LHPP: variants seen among roughly 807,000 people sequenced by gnomAD.
LHPP encodes phospholysine phosphohistidine inorganic pyrophosphate phosphatase, also known as hLHPP.
LHPP carries 24 observed loss-of-function variants against 30.3 expected under a neutral mutation model. That is an observed-to-expected ratio of 0.79 (90% confidence interval 0.57 to 1.11). The LOEUF (loss-of-function observed/expected upper bound fraction) is 1.11. Among genes scored for constraint, LHPP ranks in the 50% most tolerant of loss-of-function variants. The pLI is 0.00. For synonymous variants in LHPP, 150 were observed against 157.1 expected, an observed-to-expected ratio of 0.95 and a Z score of 0.34; for missense variants, 356 against 367.2, an observed-to-expected ratio of 0.97 and a Z score of 0.25.
chr10:124,488,508 A>G lies in LHPP; in HGVS notation c.400A>G (p.Asn134Asp), dbSNP rs1815889505. 6.2e-7 allele frequency: 1 copy of G among 1,614,010 alleles called. No homozygotes were observed. The highest frequency in any genetic ancestry group is 8.5e-7 in the Non-Finnish European group (1 of 1,179,994). The change falls in exon 3 of 7, where the codon AAC becomes GAC. Residue 134 changes from asparagine to aspartate, a missense_variant. Asn to Asp is a conservative substitution (Grantham distance 23). Coordinates refer to ENST00000368842, the MANE Select transcript of LHPP (RefSeq NM_022126.4). The stretch of plus-strand genomic sequence containing the variant: ...CGCAGGAGAAAGCTTTTCTTATCAA[A>G]ACATGAATAACGCCTTCCAGGTGCT... ...ADAGESFSYQ[N>D]MNNAFQVLME... is the part of the protein sequence containing the mutation.
intron 6 of LHPP, among the ~76,000 whole-genome samples, chr10:124,563,614 GATATTGTTCTA>G (rs1948439882): frequency 6.6e-6 from 1 of 152,152 alleles, no homozygotes; most frequent in East Asian, 1.9e-4. Flanking sequence ...TGTTGACTTT[GATATTGTTCTA>G]TAGTTTTGCA....
In LHPP at chr10:124,597,739, G is replaced by A. The variant is rs576199115; in HGVS notation, c.717-15525G>A. Among the ~76,000 whole-genome samples the A allele has an allele frequency of 2.1e-3, 310 of 147,438 alleles. 1 individual carries two copies. The highest frequency in any genetic ancestry group is 7.0e-3 in the African/African-American group (287 of 41,242). ...GTGAGTGCCCTGCCCTGAGCCCAGC[G>A]TGTGCCCTGCCTGTGCCCCTGGGTG... On this transcript the variant is annotated intron_variant, in intron 6 of 6. Coordinates refer to ENST00000368842, the MANE Select transcript of LHPP (RefSeq NM_022126.4).
rs1163727984 is a variant in LHPP at position 124,523,604 on chromosome 10, G to T, written c.716+6333G>T. 9.9e-5 allele frequency among the ~76,000 whole-genome samples: 15 copies of T among 152,240 alleles called. No individual in the cohort carries two copies. Among genetic ancestry groups the T allele is most frequent in the African/African-American group, 3.6e-4 (15 of 41,466 alleles). On this transcript the variant is annotated intron_variant, in intron 6 of 6. Coordinates refer to ENST00000368842, the MANE Select transcript of LHPP (RefSeq NM_022126.4). The surrounding 1 kb of genome is among the most constrained non-coding windows in gnomAD (Gnocchi z 4.2). Reference sequence around the variant, plus strand: ...AGTGTGAGGGAAGGAAGTGAAACTGGTGTTAATTTTTCAGCAGTCACATGT... The same window carrying T: ...AGTGTGAGGGAAGGAAGTGAAACTGTTGTTAATTTTTCAGCAGTCACATGT...
chr10:124,554,049 G>A, intron 6 of LHPP: 1 of 985,450 alleles, frequency 1.0e-6, no homozygotes, highest in East Asian at 1.1e-4. Flanking sequence ...AGAAGGCCTC[G>A]AGCCTGTAGT....
chr10:124,471,348 A>G lies in LHPP; in HGVS notation c.125+9361A>G, dbSNP rs1328585303. On this transcript the variant is annotated intron_variant, in intron 1 of 6. Transcript: ENST00000368842. ...TTTGAATTCTTTGTAGCCTCAGAGC[A>G]CTTATCCAACCAAATGAAATTTTGA... is the stretch of plus-strand genomic sequence containing the variant. Among the ~76,000 whole-genome samples, 9 of 142,486 alleles carry G rather than the reference A, an allele frequency of 6.3e-5. No homozygotes were observed. In the East Asian group the frequency reaches 1.6e-3, roughly 25 times the overall value. 93.5% of individuals were successfully genotyped at this position (142,486 alleles called of 152,430 possible). A position where few individuals can be genotyped will look rare whatever the true frequency, so the allele number is the denominator to read the frequency against.
At chr10:124,474,251 C>G (rs1952876161) in intron 1 of LHPP, among the ~76,000 whole-genome samples, 1 of 147,250 alleles carries the variant, frequency 6.8e-6, no homozygotes, top group South Asian at 2.2e-4. Context: ...GCGATCCTTT[C>G]ACCTCAGCCC....
intron 6 of LHPP, among the ~76,000 whole-genome samples, chr10:124,581,096 C>T (rs1248057571): frequency 6.6e-6 from 1 of 152,206 alleles, no homozygotes; most frequent in Admixed American, 6.5e-5. Context: ...AGCAAATACT[C>T]ATCTGCTTTC....
At chr10:124,588,298 C>CTTTTTTTTTTTTTTTTT (rs55633265) in intron 6 of LHPP, among the ~76,000 whole-genome samples, 3 of 146,916 alleles carry the variant, frequency 2.0e-5, no homozygotes, top group African/African-American at 7.7e-5. Context: ...TTTTTCTCTT[C>CTTTTTTTTTTTTTTTTT]TTTTTTTTTT....
rs529855996 is a variant in LHPP at position 124,478,344 on chromosome 10, C to T, written c.126-5795C>T. Among the ~76,000 whole-genome samples, 190 of 152,296 alleles carry T rather than the reference C, an allele frequency of 1.2e-3. 1 individual carries two copies. Among genetic ancestry groups the T allele is most frequent in the African/African-American group, 4.4e-3 (183 of 41,566 alleles). ...GTGCTATGAGGGCCTCTGGGTCACA[C>T]GAAGGTGACCAGTACCGGGGCTAGA... On this transcript the variant is annotated intron_variant, in intron 1 of 6. Coordinates refer to ENST00000368842, the MANE Select transcript of LHPP (RefSeq NM_022126.4). The surrounding 1 kb of genome is among the most constrained non-coding windows in gnomAD (Gnocchi z 4.7).
At chr10:124,493,931 CT>C (rs1476962464) in intron 3 of LHPP, 14 of 152,116 alleles carry the variant, frequency 9.2e-5, no homozygotes, top group Non-Finnish European at 1.6e-4. Context: ...CTCAAGATGC[CT>C]TTTTGTTTTT....
intron 6 of LHPP, among the ~76,000 whole-genome samples, chr10:124,519,960 G>A (rs537274338): frequency 6.6e-6 from 1 of 152,028 alleles, no homozygotes; most frequent in East Asian, 1.9e-4. Context: ...AGCCTCCCAA[G>A]TAGCTGGGAC....
intron 6 of LHPP, among the ~76,000 whole-genome samples, chr10:124,544,866 C>T (rs560054284): frequency 3.3e-5 from 5 of 150,284 alleles, no homozygotes; most frequent in South Asian, 2.1e-4. Context: ...ACGTGGAAGG[C>T]GATCACATCG....
At chr10:124,579,297 G>GAT (rs1176986308) in intron 6 of LHPP, among the ~76,000 whole-genome samples, 1 of 152,246 alleles carries the variant, frequency 6.6e-6, no homozygotes, top group Non-Finnish European at 1.5e-5. Flanking sequence ...GAAGGCAGAA[G>GAT]AATCACAGCA....
chr10:124,548,604 G>A lies in LHPP; in HGVS notation c.716+31333G>A, dbSNP rs1032802587. Among the ~76,000 whole-genome samples, 5 of 152,218 alleles carry A rather than the reference G, an allele frequency of 3.3e-5. No homozygotes were observed. In the East Asian group the frequency reaches 9.6e-4, roughly 29 times the overall value. On this transcript the variant is annotated intron_variant, in intron 6 of 6. Transcript: ENST00000368842. ...TTTCTGGGGTTCCTGGCTTTGGCCT[G>A]CACGGCTGGGTGGGAGGAGGGCATG...
In LHPP at chr10:124,526,163, G is replaced by A. The variant is rs78582337; in HGVS notation, c.716+8892G>A. On this transcript the variant is annotated intron_variant, in intron 6 of 6. Transcript: ENST00000368842. The stretch of plus-strand genomic sequence containing the variant: ...TCTTCTCCCTAGAGCCGCTCAACAC[G>A]TGTTGCAAGGCACGTGCTCTGGACC... 7.1e-6 allele frequency: 7 copies of A among 985,332 alleles called. No individual in the cohort carries two copies. The East Asian group carries it at 5.7e-4, about 80-fold the overall frequency. The allele number at this position is 985,332 out of a possible 1,614,324, so 61.0% of individuals were successfully genotyped here.
rs1311232035 is a variant in LHPP at position 124,461,899 on chromosome 10, G to T, written c.37G>T (p.Gly13Trp). Reference sequence around the variant, plus strand: ...GGGCAAGCGGCTGGCTGGCGTGCGCGGGGTGCTGCTTGACATCTCGGGCGT... The same window carrying T: ...GGGCAAGCGGCTGGCTGGCGTGCGCTGGGTGCTGCTTGACATCTCGGGCGT... ...PWGKRLAGVRGVLLDISGVLY... is the reference protein window; with the variant it reads ...PWGKRLAGVRWVLLDISGVLY... The change falls in exon 1 of 7, where the codon GGG becomes TGG. Residue 13 changes from glycine to tryptophan, a missense_variant. Gly to Trp is a radical substitution (Grantham distance 184). Coordinates refer to ENST00000368842, the MANE Select transcript of LHPP (RefSeq NM_022126.4). 2.4e-6 allele frequency: 3 copies of T among 1,257,358 alleles called. No homozygotes were observed. Among genetic ancestry groups the T allele is most frequent in the East Asian group, 3.0e-5 (1 of 33,072 alleles). The allele number at this position is 1,257,358 out of a possible 1,614,324, so 77.9% of individuals were successfully genotyped here. A position where few individuals can be genotyped will look rare whatever the true frequency, so the allele number is the denominator to read the frequency against.
intron 6 of LHPP, among the ~76,000 whole-genome samples, chr10:124,548,923 C>T (rs1283463831): frequency 2.0e-5 from 3 of 152,206 alleles, no homozygotes; most frequent in African/African-American, 7.2e-5. Context: ...TTGAAGTCTC[C>T]CTAACCTGGC....
rs138101243 is a variant in LHPP at position 124,613,382 on chromosome 10, CCTCCTCCACCCCTGCCT to C, written c.*41_*57del. 0.068 allele frequency: 104,311 copies of C among 1,534,168 alleles called. 7,348 individuals carry two copies. Among genetic ancestry groups the C allele is most frequent in the Non-Finnish European group, 0.082 (90,850 of 1,114,046 alleles). On this transcript the variant is annotated 3_prime_UTR_variant, in exon 7 of 7. Coordinates refer to ENST00000368842, the MANE Select transcript of LHPP (RefSeq NM_022126.4). Reference sequence around the variant, plus strand: ...GTGATGGCCTCCTGGGAGAGCCCCGCCTCCTCCACCCCTGCCTCTCCTCCACCCCTGCCTCCCCTCCA... The same window carrying C: ...GTGATGGCCTCCTGGGAGAGCCCCGCCTCCTCCACCCCTGCCTCCCCTCCA...
intron 6 of LHPP, among the ~76,000 whole-genome samples, chr10:124,547,774 G>A (rs1347141577): frequency 6.6e-6 from 1 of 152,254 alleles, no homozygotes; most frequent in East Asian, 1.9e-4. Flanking sequence ...CTGGCAGGAT[G>A]TCGTTCCAGT....
Sources: gnomAD v4.1 joint callset for allele counts (sites outside exome capture counted in the v4.1 genomes callset) on GRCh38, gnomAD v4.1.1 for gene constraint, Gnocchi (gnomAD v3.1) non-coding constraint, MANE v1.5 for transcripts, NCBI Gene and HGNC (gene_info 2026-07-23, HGNC 2026-07-21) for gene names.